The following KIFAP3 variants were observed in gnomAD, a reference collection of about 807,000 sequenced individuals.
The protein encoded by KIFAP3 is kinesin associated protein 3.
Under a neutral mutation model 106.5 loss-of-function variants are expected in KIFAP3, and 68 were observed. The observed-to-expected ratio is 0.64, with a 90% confidence interval of 0.53 to 0.78. The LOEUF is 0.78. Among genes scored for constraint, KIFAP3 ranks in the 30% least tolerant of loss-of-function variants. The pLI is 0.00. For missense variants in KIFAP3, 780 were observed against 941.8 expected, an observed-to-expected ratio of 0.83 and a Z score of 2.25; for synonymous variants, 320 against 311.5, an observed-to-expected ratio of 1.03 and a Z score of -0.29.
At chr1:169,978,486 C>CT (rs971582249) in intron 15 of KIFAP3, among the ~76,000 whole-genome samples, 5 of 151,832 alleles carry the variant, frequency 3.3e-5, no homozygotes, top group African/African-American at 9.7e-5. Flanking sequence ...CTTCTAAACT[C>CT]TAAGTTTTTG....
chr1:170,055,155 C>T (rs1401298595), intron 2 of KIFAP3, 150 bp downstream of exon 2: 2 of 646,822 alleles, frequency 3.1e-6, no homozygotes, highest in African/African-American at 1.9e-5. Flanking sequence ...TCCATACTTA[C>T]AGTTTAATAT....
chr1:170,052,620 A>G (rs1190398653), intron 2 of KIFAP3, among the ~76,000 whole-genome samples: 1 of 152,242 alleles, frequency 6.6e-6, no homozygotes, highest in Non-Finnish European at 1.5e-5. Context: ...TGAATCCAGC[A>G]GCATATCAAA....
chr1:170,059,822 T>C (rs1044200303), intron 1 of KIFAP3, among the ~76,000 whole-genome samples: 1 of 152,170 alleles, frequency 6.6e-6, no homozygotes, highest in Non-Finnish European at 1.5e-5. Flanking sequence ...TCCACCATGA[T>C]CAAGTGGGCT....
At chr1:170,005,155 G>C (rs1667882262) in intron 10 of KIFAP3, among the ~76,000 whole-genome samples, 1 of 151,222 alleles carries the variant, frequency 6.6e-6, no homozygotes, top group Non-Finnish European at 1.5e-5. Flanking sequence ...AAACCACAAT[G>C]AGATACCATC....
At chr1:169,992,699 T>C (rs1428097632) in intron 10 of KIFAP3, among the ~76,000 whole-genome samples, 8 of 152,044 alleles carry the variant, frequency 5.3e-5, no homozygotes, top group African/African-American at 1.9e-4. Flanking sequence ...AGAAGTAAAG[T>C]AGTAGTTATA....
At chr1:170,050,542 C>T (rs1343841847) in intron 2 of KIFAP3, among the ~76,000 whole-genome samples, 1 of 152,142 alleles carries the variant, frequency 6.6e-6, no homozygotes, top group Non-Finnish European at 1.5e-5. Context: ...ACATAATCAT[C>T]AGATTCTCCA....
intron 14 of KIFAP3, among the ~76,000 whole-genome samples, chr1:169,982,466 C>T (rs1158518589): frequency 6.6e-6 from 1 of 151,822 alleles, no homozygotes; most frequent in Non-Finnish European, 1.5e-5. Context: ...TACCAAAAGA[C>T]CACAAGAAAG....
At chr1:169,928,181 C>A (rs1663249988) in intron 19 of KIFAP3, among the ~76,000 whole-genome samples, 1 of 151,704 alleles carries the variant, frequency 6.6e-6, no homozygotes, top group Non-Finnish European at 1.5e-5. Flanking sequence ...CTCACTGCAA[C>A]CTCTGCCACC....
At chr1:169,993,409 C>G (rs1667202125) in intron 10 of KIFAP3, among the ~76,000 whole-genome samples, 1 of 151,410 alleles carries the variant, frequency 6.6e-6, no homozygotes, top group South Asian at 2.1e-4. Context: ...CGCGCCTGGC[C>G]CTAAACTGGT....
At chr1:170,006,725 G>A (rs904818958) in intron 10 of KIFAP3, among the ~76,000 whole-genome samples, 1 of 152,086 alleles carries the variant, frequency 6.6e-6, no homozygotes, top group South Asian at 2.1e-4. Flanking sequence ...TGAGGTGAGG[G>A]TAGGGCAGAG....
intron 19 of KIFAP3, among the ~76,000 whole-genome samples, chr1:169,951,609 T>C (rs146802479): frequency 7.9e-5 from 12 of 152,034 alleles, no homozygotes; most frequent in African/African-American, 2.6e-4. Context: ...CATTTATCTC[T>C]CTCAAAACTT....
chr1:170,019,632 T>C (rs917353609), intron 9 of KIFAP3, among the ~76,000 whole-genome samples: 6 of 152,112 alleles, frequency 3.9e-5, no homozygotes, highest in Non-Finnish European at 5.9e-5. Context: ...TTTCACAAAA[T>C]TTAACATCCA....
intron 10 of KIFAP3, among the ~76,000 whole-genome samples, chr1:170,000,128 AG>A (rs1667584826): frequency 6.6e-6 from 1 of 152,112 alleles, no homozygotes; most frequent in Non-Finnish European, 1.5e-5. Flanking sequence ...TTTCATTCAC[AG>A]TTCAGTCAAG....
chr1:170,019,814 C>A (rs1449158879), intron 9 of KIFAP3, among the ~76,000 whole-genome samples: 1 of 152,134 alleles, frequency 6.6e-6, no homozygotes, highest in Non-Finnish European at 1.5e-5. Context: ...TCCTCAACAT[C>A]ATACTAGAGG....
rs201561807 is a variant in KIFAP3 at position 169,927,679 on chromosome 1, G to GT, written c.2274-5899dup. The stretch of plus-strand genomic sequence containing the variant: ...TGAATGAATTAGTCTTAAAAGTCAA[G>GT]TAAGATCTCACAGGCAAAGAGAGAC... On this transcript the variant is annotated intron_variant, in intron 19 of 19. Transcript: ENST00000361580. 8.2e-3 allele frequency among the ~76,000 whole-genome samples: 1,248 copies of GT among 152,242 alleles called. 11 individuals carry two copies. Among genetic ancestry groups the GT allele is most frequent in the Non-Finnish European group, 0.012 (785 of 68,028 alleles).
intron 10 of KIFAP3, among the ~76,000 whole-genome samples, chr1:170,003,576 T>A (rs1241600850): frequency 7.4e-6 from 1 of 135,104 alleles, no homozygotes; most frequent in African/African-American, 2.9e-5. Flanking sequence ...CAGGGACATC[T>A]AAGTCTGCAG....
At chr1:170,064,595 C>T (rs1448233629) in intron 1 of KIFAP3, among the ~76,000 whole-genome samples, 2 of 152,188 alleles carry the variant, frequency 1.3e-5, no homozygotes, top group East Asian at 3.9e-4. Context: ...CTCAAGCGAT[C>T]CACCAGCCTC....
intron 6 of KIFAP3, among the ~76,000 whole-genome samples, 163 bp from the exon 7 acceptor site, chr1:170,034,659 TA>T (rs893784958): frequency 6.6e-6 from 1 of 151,944 alleles, no homozygotes; most frequent in African/African-American, 2.4e-5. Context: ...CTTGCGATTA[TA>T]AAATTACTTT....
At chr1:169,931,556 T>C (rs579553) in intron 19 of KIFAP3, among the ~76,000 whole-genome samples, 142,413 of 152,288 alleles carry the variant, frequency 0.94, 66,678 homozygotes, top group East Asian at 0.99. Flanking sequence ...CTTCTTGAAA[T>C]TGGCAGTTCT....
Sources: gnomAD v4.1 joint callset for allele counts (sites outside exome capture counted in the v4.1 genomes callset) on GRCh38, gnomAD v4.1.1 for gene constraint, MANE v1.5 for transcripts, NCBI Gene and HGNC (gene_info 2026-07-23, HGNC 2026-07-21) for gene names.